The following TCF7L1 variants were observed in gnomAD, a reference collection of about 807,000 sequenced individuals.
TCF7L1 encodes transcription factor 7 like 1.
In TCF7L1, 18 loss-of-function variants were observed where a neutral mutation model predicts 63.7. The ratio of observed to expected loss-of-function variants is 0.28; its 90% CI spans 0.20 to 0.42. The LOEUF is 0.42. TCF7L1 is among the 10% of genes least tolerant of loss of function. TCF7L1 has a pLI of 1.00. For missense variants in TCF7L1, 654 were observed against 779.3 expected, an observed-to-expected ratio of 0.84 and a Z score of 1.91; for synonymous variants, 355 against 340.9, an observed-to-expected ratio of 1.04 and a Z score of -0.46.
intron 3 of TCF7L1, among the ~76,000 whole-genome samples, chr2:85,152,080 G>A (rs1228877196): frequency 6.6e-6 from 1 of 152,160 alleles, no homozygotes; most frequent in East Asian, 1.9e-4. Flanking sequence ...CTTTAGCCAG[G>A]GGGAGCCTCT....
chr2:85,177,308 C>T (rs1678698703), intron 3 of TCF7L1, among the ~76,000 whole-genome samples: 1 of 152,192 alleles, frequency 6.6e-6, no homozygotes. Flanking sequence ...GATTGGATTT[C>T]AACACAGGAA....
At position 85,266,595 on chromosome 2, in the gene TCF7L1, C is replaced by T. The variant is rs564403614; in HGVS notation, c.442-16900C>T. On this transcript the variant is annotated intron_variant, in intron 3 of 11. Coordinates refer to ENST00000282111, the MANE Select transcript of TCF7L1 (RefSeq NM_031283.3). ...GTGCAGCAGGTATCCTTGTCCAGGG[C>T]CTTTGTTTCCCGCTGGTCATTGGTC... Among the ~76,000 whole-genome samples, 18 of 152,300 alleles carry T rather than the reference C, an allele frequency of 1.2e-4. No individual in the cohort carries two copies. In the South Asian group the frequency reaches 3.7e-3, roughly 32 times the overall value.
chr2:85,151,018 C>G (rs1419091494), intron 3 of TCF7L1, among the ~76,000 whole-genome samples: 1 of 152,058 alleles, frequency 6.6e-6, no homozygotes, highest in Non-Finnish European at 1.5e-5. Context: ...TTTGTGCATA[C>G]TAAATAAGGT....
chr2:85,276,891 C>T (rs1681284725), intron 3 of TCF7L1, among the ~76,000 whole-genome samples: 2 of 152,156 alleles, frequency 1.3e-5, no homozygotes, highest in Admixed American at 1.3e-4. Flanking sequence ...TCGAGAGCGA[C>T]AGACTCATGG....
chr2:85,271,262 G>A (rs559110526), intron 3 of TCF7L1, among the ~76,000 whole-genome samples: 11 of 152,118 alleles, frequency 7.2e-5, no homozygotes, highest in Admixed American at 2.6e-4. Flanking sequence ...ACAGGCACCC[G>A]CCACCACACC....
intron 11 of TCF7L1, among the ~76,000 whole-genome samples, chr2:85,308,442 T>TCCC (rs1558663493): frequency 1.4e-5 from 1 of 71,816 alleles, no homozygotes; most frequent in African/African-American, 6.4e-5. Flanking sequence ...TCTCCCTCCC[T>TCCC]TTCTCTTTCC....
rs1442653788 is a variant in TCF7L1 at position 85,144,745 on chromosome 2, G to T, written c.441+10295G>T. ...TGTGTGTGTGTGTGTGTGTGTGTGT[G>T]TGTGTATGTGTGTGTGTGTGTATGT... On this transcript the variant is annotated intron_variant, in intron 3 of 11. Transcript: ENST00000282111. Among the ~76,000 whole-genome samples, 30 of 148,592 alleles carry T rather than the reference G, an allele frequency of 2.0e-4. No homozygotes were observed. The East Asian group carries it at 3.3e-3, about 17-fold the overall frequency.
chr2:85,282,469 C>T (rs1477316070), intron 3 of TCF7L1, among the ~76,000 whole-genome samples: 9 of 152,230 alleles, frequency 5.9e-5, no homozygotes, highest in African/African-American at 1.9e-4. Context: ...TAATGGTTTG[C>T]TTATGGAAAT....
At chr2:85,285,382 G>A (rs1681521756) in intron 4 of TCF7L1, among the ~76,000 whole-genome samples, 1 of 152,194 alleles carries the variant, frequency 6.6e-6, no homozygotes, top group South Asian at 2.1e-4. Context: ...GGAGCCCTTG[G>A]GAGTTTACAG....
chr2:85,146,767 G>C (rs1677890095), intron 3 of TCF7L1, among the ~76,000 whole-genome samples: 1 of 152,104 alleles, frequency 6.6e-6, no homozygotes, highest in Non-Finnish European at 1.5e-5. Context: ...GCCTCCCAAA[G>C]TGCTGGGATC....
At chr2:85,136,091 AC>A (rs2104177445) in intron 3 of TCF7L1, among the ~76,000 whole-genome samples, 1 of 152,176 alleles carries the variant, frequency 6.6e-6, no homozygotes, top group East Asian at 1.9e-4. Flanking sequence ...GTTTCCATTT[AC>A]TATTAGGATA....
In TCF7L1 at chr2:85,277,065, T is replaced by TG. The variant is rs201892048; in HGVS notation, c.442-6424dup. 5.1e-3 allele frequency among the ~76,000 whole-genome samples: 769 copies of TG among 150,944 alleles called. 6 individuals are homozygous for TG. Among genetic ancestry groups the TG allele is most frequent in the African/African-American group, 0.018 (718 of 41,022 alleles). ...CAGTGAGGACTCTGTGCAGCTGGGG[T>TG]GGGGGGCGGTGAGGGTGGAAGCCAG... On this transcript the variant is annotated intron_variant, in intron 3 of 11. Coordinates refer to ENST00000282111, the MANE Select transcript of TCF7L1 (RefSeq NM_031283.3).
At chr2:85,223,727 A>G (rs986385358) in intron 3 of TCF7L1, among the ~76,000 whole-genome samples, 3 of 152,096 alleles carry the variant, frequency 2.0e-5, no homozygotes, top group Admixed American at 1.3e-4. Flanking sequence ...ACAAATAAGA[A>G]CACCTTTAGT....
intron 3 of TCF7L1, among the ~76,000 whole-genome samples, chr2:85,190,136 G>T (rs1679012890): frequency 1.3e-5 from 2 of 152,246 alleles, no homozygotes; most frequent in African/African-American, 4.8e-5. Context: ...GAGGCACTCA[G>T]TAAGTCCTTG....
intron 3 of TCF7L1, among the ~76,000 whole-genome samples, chr2:85,160,911 A>C: frequency 6.6e-6 from 1 of 152,316 alleles, no homozygotes; most frequent in East Asian, 1.9e-4. Flanking sequence ...GCAATCATCA[A>C]TGAGAACCCG....
intron 3 of TCF7L1, among the ~76,000 whole-genome samples, chr2:85,222,438 G>A (rs535282531): frequency 3.3e-5 from 5 of 151,762 alleles, no homozygotes; most frequent in South Asian, 2.1e-4. Flanking sequence ...GGGAGGCCAC[G>A]GTGTGGATTG....
intron 4 of TCF7L1, among the ~76,000 whole-genome samples, chr2:85,284,300 G>A (rs764635048): frequency 2.2e-4 from 34 of 152,262 alleles, no homozygotes; most frequent in South Asian, 2.1e-4. Flanking sequence ...ATGAGCCACC[G>A]CGCCCGGCCG....
intron 3 of TCF7L1, among the ~76,000 whole-genome samples, chr2:85,269,394 G>T (rs1681090554): frequency 6.6e-6 from 1 of 152,268 alleles, no homozygotes; most frequent in Non-Finnish European, 1.5e-5. Context: ...ATGTGTAATT[G>T]TGTATACGTA....
At chr2:85,191,796 G>A (rs1679041989) in intron 3 of TCF7L1, among the ~76,000 whole-genome samples, 1 of 149,326 alleles carries the variant, frequency 6.7e-6, no homozygotes, top group African/African-American at 2.5e-5. Flanking sequence ...CTGCACTCCA[G>A]CCTGGGCAAC....
Sources: allele counts gnomAD v4.1 joint callset (sites outside exome capture counted in the v4.1 genomes callset), GRCh38; gene constraint gnomAD v4.1.1; transcripts MANE v1.5; gene names NCBI Gene and HGNC (gene_info 2026-07-23, HGNC 2026-07-21).